Variants in ATRNL1 observed in about 807,000 individuals in gnomAD.
ATRNL1 encodes the protein attractin like 1, also known as attractin-like protein 1.
In ATRNL1, 95 loss-of-function variants were observed where a neutral mutation model predicts 182.7. That is an observed-to-expected ratio of 0.52 (90% CI 0.44 to 0.62). The LOEUF (loss-of-function observed/expected upper bound fraction) is 0.62. ATRNL1 is among the 20% of genes least tolerant of loss of function. ATRNL1 has a pLI of 0.00. For missense variants in ATRNL1, 1,471 were observed against 1,679.5 expected, an observed-to-expected ratio of 0.88 and a Z score of 2.17; for synonymous variants, 576 against 568.3, an observed-to-expected ratio of 1.01 and a Z score of -0.19.
intron 5 of ATRNL1, 141 bp downstream of exon 5, chr10:115,129,676 A>C (rs1483311218): frequency 1.6e-6 from 1 of 622,384 alleles, no homozygotes; most frequent in Non-Finnish European, 2.6e-6. Flanking sequence ...TGTTCAGATT[A>C]ATAATCAACT....
At chr10:115,693,001 G>A (rs1354469120) in intron 26 of ATRNL1, among the ~76,000 whole-genome samples, 1 of 152,002 alleles carries the variant, frequency 6.6e-6, no homozygotes, top group Non-Finnish European at 1.5e-5. Context: ...AAGGCACTGA[G>A]TAAGATCATT....
intron 20 of ATRNL1, among the ~76,000 whole-genome samples, chr10:115,411,723 A>G (rs1845151373): frequency 6.6e-6 from 1 of 152,134 alleles, no homozygotes; most frequent in Non-Finnish European, 1.5e-5. Flanking sequence ...TTAAGGAATT[A>G]TTATTTATAT....
At chr10:115,763,357 G>A (rs1166512256) in intron 27 of ATRNL1, among the ~76,000 whole-genome samples, 1 of 152,166 alleles carries the variant, frequency 6.6e-6, no homozygotes, top group East Asian at 1.9e-4. Flanking sequence ...TACATACATA[G>A]AGAAATGTAC....
At chr10:115,850,912 G>C (rs782500154) in intron 28 of ATRNL1, among the ~76,000 whole-genome samples, 16 of 152,110 alleles carry the variant, frequency 1.1e-4, no homozygotes, top group Admixed American at 3.9e-4. Context: ...GCAGACTCCT[G>C]ACCCCAACCC....
At chr10:115,853,287 T>G (rs1167471820) in intron 28 of ATRNL1, among the ~76,000 whole-genome samples, 2 of 152,164 alleles carry the variant, frequency 1.3e-5, no homozygotes, top group Admixed American at 6.5e-5. Flanking sequence ...GCTCCTTACA[T>G]TTAAAAAAAT....
intron 26 of ATRNL1, among the ~76,000 whole-genome samples, chr10:115,629,052 T>A (rs574400619): frequency 6.6e-6 from 1 of 152,310 alleles, no homozygotes; most frequent in Non-Finnish European, 1.5e-5. Context: ...ATCATTTTCA[T>A]TCCATTACTC....
At chr10:115,356,622 C>T (rs1856515098) in intron 19 of ATRNL1, among the ~76,000 whole-genome samples, 1 of 151,906 alleles carries the variant, frequency 6.6e-6, no homozygotes, top group Admixed American at 6.6e-5. Context: ...AAAGAACTAT[C>T]TGTGGGCTAA....
chr10:115,703,522 G>T (rs1168163091), intron 26 of ATRNL1, among the ~76,000 whole-genome samples: 1 of 151,768 alleles, frequency 6.6e-6, no homozygotes, highest in Non-Finnish European at 1.5e-5. Flanking sequence ...GATAAGCAGG[G>T]AGATAAAATA....
At chr10:115,405,032 T>C (rs1554957864) in intron 20 of ATRNL1, among the ~76,000 whole-genome samples, 1 of 152,084 alleles carries the variant, frequency 6.6e-6, no homozygotes, top group Non-Finnish European at 1.5e-5. Context: ...AAGAACAGAG[T>C]ATCAAGTTAA....
rs556850172 is a variant in ATRNL1, at chr10:115,588,326, G to C, written c.3795+38790G>C. ...GCAGCTTCTGATGGTCTCAACCTGT[G>C]GGGGACACAATCTGGAGCTTAGAGT... On this transcript the variant is annotated intron_variant, in intron 26 of 28. Coordinates refer to ENST00000355044, the MANE Select transcript of ATRNL1 (RefSeq NM_207303.4). Among the ~76,000 whole-genome samples the C allele has an allele frequency of 2.6e-5, 4 of 152,212 alleles. No homozygotes were observed. In the South Asian group the frequency reaches 8.3e-4, roughly 32 times the overall value.
intron 10 of ATRNL1, among the ~76,000 whole-genome samples, chr10:115,264,746 T>G (rs1851536109): frequency 6.6e-6 from 1 of 151,656 alleles, no homozygotes; most frequent in South Asian, 2.1e-4. Flanking sequence ...ATCCTGATGA[T>G]TATATTTTTA....
intron 9 of ATRNL1, among the ~76,000 whole-genome samples, chr10:115,231,446 AC>A (rs1849947649): frequency 1.3e-5 from 2 of 152,154 alleles, no homozygotes. Flanking sequence ...AAAGAAAAGT[AC>A]TAACAACTTT....
At chr10:115,415,626 C>T (rs1368858455) in intron 20 of ATRNL1, among the ~76,000 whole-genome samples, 1 of 151,622 alleles carries the variant, frequency 6.6e-6, no homozygotes, top group Non-Finnish European at 1.5e-5. Flanking sequence ...ATGTAATTAA[C>T]TTGTCCTTTA....
At chr10:115,760,778 T>A (rs1555073408) in intron 27 of ATRNL1, among the ~76,000 whole-genome samples, 1 of 152,208 alleles carries the variant, frequency 6.6e-6, no homozygotes, top group African/African-American at 2.4e-5. Flanking sequence ...GGTTATCAAG[T>A]AGTAAGTAAT....
chr10:115,738,339 C>A (rs1246165956), intron 27 of ATRNL1, among the ~76,000 whole-genome samples: 1 of 151,408 alleles, frequency 6.6e-6, no homozygotes, highest in Admixed American at 6.6e-5. Flanking sequence ...AGGGTTTGAC[C>A]ATGTTGGCCA....
At chr10:115,655,006 T>A (rs1175682570) in intron 26 of ATRNL1, among the ~76,000 whole-genome samples, 3 of 151,854 alleles carry the variant, frequency 2.0e-5, no homozygotes, top group Non-Finnish European at 4.4e-5. Flanking sequence ...CTTCCCTGAG[T>A]GAGGAGGAGT....
chr10:115,590,917 C>G (rs1022393062), intron 26 of ATRNL1, among the ~76,000 whole-genome samples: 2 of 152,160 alleles, frequency 1.3e-5, no homozygotes, highest in Non-Finnish European at 2.9e-5. Flanking sequence ...GGGAACAACT[C>G]CCTAGTTATT....
intron 26 of ATRNL1, among the ~76,000 whole-genome samples, chr10:115,663,680 T>C (rs145699937): frequency 1.4e-3 from 212 of 152,234 alleles, no homozygotes; most frequent in African/African-American, 4.7e-3. Flanking sequence ...TGTAGTCATA[T>C]GTCATCAAGT....
At chr10:115,799,281 A>G (rs1555083790) in intron 27 of ATRNL1, among the ~76,000 whole-genome samples, 1 of 152,228 alleles carries the variant, frequency 6.6e-6, no homozygotes, top group South Asian at 2.1e-4. Flanking sequence ...TTCTACAATA[A>G]CACACCTGGC....
Sources: gnomAD v4.1 joint callset for allele counts (sites outside exome capture counted in the v4.1 genomes callset) on GRCh38, gnomAD v4.1.1 for gene constraint, MANE v1.5 for transcripts, NCBI Gene and HGNC (gene_info 2026-07-23, HGNC 2026-07-21) for gene names.